Variants in BTN1A1 observed in about 807,000 individuals in gnomAD.
The protein encoded by BTN1A1 is butyrophilin subfamily 1 member A1.
BTN1A1 carries 26 observed loss-of-function variants against 33.1 expected under a neutral mutation model. That is an observed-to-expected ratio of 0.79 (90% CI 0.58 to 1.09). The LOEUF (loss-of-function observed/expected upper bound fraction) is 1.09, where lower values mean the gene tolerates loss of function less well. Ranked by LOEUF, BTN1A1 falls within the 50% of genes least tolerant of loss-of-function variation. BTN1A1 has a pLI of 0.00. For missense variants in BTN1A1, 558 were observed against 655.7 expected (o/e 0.85, Z 1.63); for synonymous variants, 235 against 256.2 (o/e 0.92, Z 0.79).
In BTN1A1 at chr6:26,509,655, T is replaced by C; in HGVS notation, c.*481T>C. On this transcript the variant is annotated 3_prime_UTR_variant, in exon 8 of 8. Coordinates refer to ENST00000684113, the MANE Select transcript of BTN1A1 (RefSeq NM_001732.3). The stretch of plus-strand genomic sequence containing the variant: ...AATATTATGATGGAGGGAAGTGAGG[T>C]GAATCCAGGCACATGATGAACACCT... 3 of 158,098 alleles carry C rather than the reference T, an allele frequency of 1.9e-5. No homozygotes were observed. The highest frequency in any genetic ancestry group is 4.2e-5 in the Non-Finnish European group (3 of 71,810). The allele number at this position is 158,098 out of a possible 1,614,324, so 9.8% of individuals were successfully genotyped here.
At chr6:26,508,471 A>C (rs1422206014) in intron 7 of BTN1A1, 30 bp from the exon 8 acceptor site, 1 of 1,581,734 alleles carries the variant, frequency 6.3e-7, no homozygotes, top group Non-Finnish European at 8.6e-7. Context: ...ATATTCACTG[A>C]TGTCAGACCT....
In BTN1A1 at chr6:26,501,052, G is replaced by A. The variant is rs1323084492; in HGVS notation, c.-57-178G>A. Reference sequence around the variant, plus strand: ...TCCTAAGTTTTAGAGTTAGAGTAGTGGGTGGGAAGGTGATAACCACAGTGT... The same window carrying A: ...TCCTAAGTTTTAGAGTTAGAGTAGTAGGTGGGAAGGTGATAACCACAGTGT... On this transcript the variant is annotated intron_variant, in intron 1 of 7. Coordinates refer to ENST00000684113, the MANE Select transcript of BTN1A1 (RefSeq NM_001732.3). The surrounding 1 kb of genome is among the most constrained non-coding windows in gnomAD (Gnocchi z 5.2). Among the ~76,000 whole-genome samples the A allele has an allele frequency of 6.6e-6, 1 of 152,186 alleles. No individual in the cohort carries two copies. The highest frequency in any genetic ancestry group is 2.4e-5 in the African/African-American group (1 of 41,430).
rs1763795015 is a variant in BTN1A1 at position 26,501,320 on chromosome 6, T to A, written c.34T>A (p.Cys12Ser). The A allele has an allele frequency of 6.2e-7, 1 of 1,614,156 alleles. No homozygotes were observed. The highest frequency in any genetic ancestry group is 8.5e-7 in the Non-Finnish European group (1 of 1,180,012). Residue 12 changes from cysteine to serine, a missense_variant, in exon 2 of 8, where the codon TGT becomes AGT. Physicochemically the swap from Cys to Ser is moderately radical, Grantham distance 112. Transcript: ENST00000684113. This position sits in a 1 kb window ranked among gnomAD's most constrained non-coding sequence, Gnocchi z 5.2. ...AVFPSSGLPR[C>S]LLTLILLQLP... ...TTTCCCAAGCTCCGGTCTCCCCAGATGTCTGCTCACCCTCATTCTCCTCCA... is the reference window on the plus strand; with the variant it reads ...TTTCCCAAGCTCCGGTCTCCCCAGAAGTCTGCTCACCCTCATTCTCCTCCA...
Position 26,510,220 on chromosome 6 carries a change from C to A in BTN1A1, c.*1046C>A. On this transcript the variant is annotated 3_prime_UTR_variant, in exon 8 of 8. Coordinates refer to ENST00000684113, the MANE Select transcript of BTN1A1 (RefSeq NM_001732.3). ...CCTACATGCTGCCTCTCCTCAGGGT[C>A]CCCTGAATGCTGCATCATTGTGTTC... The A allele has an allele frequency of 6.5e-6, 1 of 152,700 alleles. No individual in the cohort carries two copies. The allele number at this position is 152,700 out of a possible 1,614,324, so 9.5% of individuals were successfully genotyped here.
In BTN1A1 at chr6:26,501,881, GC is replaced by G; in HGVS notation, c.372del (p.Phe126SerfsTer14). 1 of 1,604,384 alleles carries G rather than the reference GC, an allele frequency of 6.2e-7. No individual in the cohort carries two copies. Among genetic ancestry groups the G allele is most frequent in the South Asian group, 1.1e-5 (1 of 90,626 alleles). ...GTCTCTGACGACGGGGAGTACACGTGCTTTTTCAGGGAGGATGGAAGCTACG... is the reference window on the plus strand; with the variant it reads ...GTCTCTGACGACGGGGAGTACACGTGTTTTTCAGGGAGGATGGAAGCTACG... Reference protein sequence around the residue: ...VRVSDDGEYTCFFREDGSYEE... With the variant: ...VRVSDDGEYTXFFREDGSYEE... On this transcript the variant is annotated frameshift_variant, in exon 3 of 8. Transcript: ENST00000684113. LOFTEE classifies it high-confidence loss of function. This position sits in a 1 kb window ranked among gnomAD's most constrained non-coding sequence, Gnocchi z 5.2.
Position 26,508,799 on chromosome 6 carries a change from GT to G in BTN1A1, c.1207del (p.Tyr403ThrfsTer24). On this transcript the variant is annotated frameshift_variant, in exon 8 of 8. Coordinates refer to ENST00000684113, the MANE Select transcript of BTN1A1 (RefSeq NM_001732.3). LOFTEE classifies it low-confidence loss of function (END_TRUNC). ...FWAVELYGNG[Y>X]WALTPLRTPL... The stretch of plus-strand genomic sequence containing the variant: ...GGGCTGTAGAGTTGTATGGAAATGG[GT>G]ACTGGGCCCTCACTCCTCTCCGGAC... 1 of 1,614,150 alleles carries G rather than the reference GT, an allele frequency of 6.2e-7. No individual in the cohort carries two copies. The highest frequency in any genetic ancestry group is 8.5e-7 in the Non-Finnish European group (1 of 1,180,030).
intron 4 of BTN1A1, among the ~76,000 whole-genome samples, chr6:26,506,200 T>C (rs1763868189): frequency 6.6e-6 from 1 of 151,996 alleles, no homozygotes; most frequent in Non-Finnish European, 1.5e-5. Flanking sequence ...TCCTATCCCA[T>C]GCTAGGGCTC....
rs1250341681 is a variant in BTN1A1, at chr6:26,501,648, C to T, written c.138C>T (p.Ala46=). The stretch of plus-strand genomic sequence containing the variant: ...TCCTGGCCGTTGTGGGTGAGGACGC[C>T]GAGCTGCCCTGTCGCCTGTCTCCGA... ...EPILAVVGED[A]ELPCRLSPNA... Residue 46 remains alanine (A), a synonymous_variant, in exon 3 of 8, where the codon GCC becomes GCT. Transcript: ENST00000684113. This position sits in a 1 kb window ranked among gnomAD's most constrained non-coding sequence, Gnocchi z 5.2. The T allele has an allele frequency of 6.2e-7, 1 of 1,613,946 alleles. No individual in the cohort carries two copies. The highest frequency in any genetic ancestry group is 1.1e-5 in the South Asian group (1 of 91,076).
chr6:26,504,553 T>A (rs890814626), intron 3 of BTN1A1, among the ~76,000 whole-genome samples: 1 of 151,448 alleles, frequency 6.6e-6, no homozygotes, highest in African/African-American at 2.4e-5. Flanking sequence ...AGTGGTGCCA[T>A]CACAGCTCAC....
Position 26,508,548 on chromosome 6 carries a change from T to C in BTN1A1, c.955T>C (p.Tyr319His). ...CACAGCTCATCCCCACCTCTTTCTT[T>C]ATGAGGATTCAAAATCTGTTCGACT... ...PDTAHPHLFLYEDSKSVRLED... is the reference protein window; with the variant it reads ...PDTAHPHLFLHEDSKSVRLED... Residue 319 changes from tyrosine to histidine, a missense_variant, in exon 8 of 8, where the codon TAT (tyrosine) becomes CAT (histidine). Coordinates refer to ENST00000684113, the MANE Select transcript of BTN1A1 (RefSeq NM_001732.3). 6.2e-7 allele frequency: 1 copy of C among 1,614,136 alleles called. No individual in the cohort carries two copies. Among genetic ancestry groups the C allele is most frequent in the Non-Finnish European group, 8.5e-7 (1 of 1,180,026 alleles).
chr6:26,502,092 G>C (rs1763809263), intron 3 of BTN1A1, among the ~76,000 whole-genome samples, 155 bp downstream of exon 3: 2 of 152,088 alleles, frequency 1.3e-5, no homozygotes, highest in South Asian at 2.1e-4. Flanking sequence ...GAGGCGAGGG[G>C]GGGTAAAAGA....
chr6:26,506,407 A>T (rs181231740), intron 4 of BTN1A1, among the ~76,000 whole-genome samples: 10 of 152,206 alleles, frequency 6.6e-5, no homozygotes, highest in Admixed American at 6.5e-4. Flanking sequence ...TTAAGGAAGA[A>T]TTTCCATAAT....
At chr6:26,503,420 A>G (rs942152467) in intron 3 of BTN1A1, among the ~76,000 whole-genome samples, 2 of 151,022 alleles carry the variant, frequency 1.3e-5, no homozygotes, top group Non-Finnish European at 3.0e-5. Context: ...GTGAGCTGAG[A>G]CTGCACTACT....
Position 26,501,521 on chromosome 6 carries a change from G to C in BTN1A1, c.80-69G>C. ...AGCGCGGGGCACTGCGCTTTGGCGG[G>C]AATCTGGTCGGTGTCTGTCCGTAGT... On this transcript the variant is annotated intron_variant, in intron 2 of 7. Transcript: ENST00000684113. This position sits in a 1 kb window ranked among gnomAD's most constrained non-coding sequence, Gnocchi z 5.2. 3 of 1,597,118 alleles carry C rather than the reference G, an allele frequency of 1.9e-6. No homozygotes were observed. The highest frequency in any genetic ancestry group is 2.6e-6 in the Non-Finnish European group (3 of 1,168,672).
chr6:26,506,132 A>T (rs1763867341), intron 4 of BTN1A1, among the ~76,000 whole-genome samples: 1 of 151,610 alleles, frequency 6.6e-6, no homozygotes, highest in South Asian at 2.1e-4. Flanking sequence ...TCAAAAAAAA[A>T]AAAAAAGACT....
rs1276036591 is a variant in BTN1A1 at position 26,501,811 on chromosome 6, G to C, written c.301G>C (p.Gly101Arg). 2.5e-6 allele frequency: 4 copies of C among 1,612,954 alleles called. No individual in the cohort carries two copies. In the African/African-American group the frequency reaches 4.0e-5, roughly 16 times the overall value. Residue 101 changes from glycine (G) to arginine (R), a missense_variant, in exon 3 of 8, where the codon GGC becomes CGC. By Grantham distance (125) the Gly-to-Arg change is moderately radical. Coordinates refer to ENST00000684113, the MANE Select transcript of BTN1A1 (RefSeq NM_001732.3). This position sits in a 1 kb window ranked among gnomAD's most constrained non-coding sequence, Gnocchi z 5.2. ...CGGGCGGGCGACGCTGGTCCAGGAC[G>C]GCATCGCCAAGGGGCGCGTGGCCTT... ...YRGRATLVQD[G>R]IAKGRVALRI...
chr6:26,506,585 C>A, intron 4 of BTN1A1, 98 bp from the exon 5 acceptor site: 1 of 1,319,852 alleles, frequency 7.6e-7, no homozygotes, highest in Non-Finnish European at 1.1e-6. Context: ...GAGAGTGGTC[C>A]AGGCCATCAC....
chr6:26,508,978 T>A lies in BTN1A1; in HGVS notation c.1385T>A (p.Leu462Gln). 1 of 1,614,206 alleles carries A rather than the reference T, an allele frequency of 6.2e-7. No individual in the cohort carries two copies. Among genetic ancestry groups the A allele is most frequent in the Non-Finnish European group, 8.5e-7 (1 of 1,180,012 alleles). The change falls in exon 8 of 8, where the codon CTA becomes CAA. Residue 462 changes from leucine (L) to glutamine (Q), a missense_variant. By Grantham distance (113) the Leu-to-Gln change is moderately radical. Transcript: ENST00000684113. ...GGCCCCCTCCGGCCCTTCTTTTGCCTATGGTCTAGCGGTAAAAAGCCCCTG... is the reference window on the plus strand; with the variant it reads ...GGCCCCCTCCGGCCCTTCTTTTGCCAATGGTCTAGCGGTAAAAAGCCCCTG... Reference protein sequence around the residue: ...FSGPLRPFFCLWSSGKKPLTI... With the variant: ...FSGPLRPFFCQWSSGKKPLTI...
At position 26,505,302 on chromosome 6, in the gene BTN1A1, T is replaced by G. The variant is rs967214150; in HGVS notation, c.709+96T>G. ...CCCAGATGTGACCTCATGGCAGAGT[T>G]GTCTACTTTCCCCACCTAAGCTCTT... On this transcript the variant is annotated intron_variant, in intron 4 of 7. Transcript: ENST00000684113. 9.3e-6 allele frequency: 12 copies of G among 1,293,628 alleles called. No individual in the cohort carries two copies. The Admixed American group carries it at 1.8e-4, about 20-fold the overall frequency. 80.1% of individuals were successfully genotyped at this position (1,293,628 alleles called of 1,614,324 possible).
Sources: gnomAD v4.1 joint callset for allele counts (sites outside exome capture counted in the v4.1 genomes callset) on GRCh38, gnomAD v4.1.1 for gene constraint, Gnocchi (gnomAD v3.1) non-coding constraint, MANE v1.5 for transcripts, NCBI Gene and HGNC (gene_info 2026-07-23, HGNC 2026-07-21) for gene names.